Variants in METTL15 observed in about 807,000 individuals in gnomAD.
The protein encoded by METTL15 is methyltransferase 15, mitochondrial 12S rRNA N4-cytidine.
A neutral mutation model predicts 38.3 loss-of-function variants in METTL15; 34 were observed. The observed-to-expected ratio is 0.89, with a 90% CI of 0.68 to 1.18. The LOEUF (loss-of-function observed/expected upper bound fraction) is 1.18. Ranked by LOEUF, METTL15 falls within the 50% of genes most tolerant of loss-of-function variation. The pLI is 0.00. For synonymous variants in METTL15, 162 were observed against 170.9 expected (o/e 0.95, Z 0.41); for missense variants, 438 against 498.4 (o/e 0.88, Z 1.15).
Position 28,332,833 on chromosome 11 carries a change from T to C in METTL15, c.*1992T>C, listed in dbSNP as rs1307238480. ...CATGCGTGGTGCTTGTAATGTCAGCTACCCAGGAGTCTGAGGCACAAGAAT... is the reference window on the plus strand; with the variant it reads ...CATGCGTGGTGCTTGTAATGTCAGCCACCCAGGAGTCTGAGGCACAAGAAT... On this transcript the variant is annotated 3_prime_UTR_variant, in exon 7 of 7. Transcript: ENST00000407364. 1 of 151,206 alleles carries C rather than the reference T, an allele frequency of 6.6e-6. No individual in the cohort carries two copies. Among genetic ancestry groups the C allele is most frequent in the Non-Finnish European group, 1.5e-5 (1 of 68,038 alleles). The allele number at this position is 151,206 out of a possible 1,614,324, so 9.4% of individuals were successfully genotyped here.
At chr11:28,275,980 A>G (rs1387800576) in intron 4 of METTL15, among the ~76,000 whole-genome samples, 2 of 152,124 alleles carry the variant, frequency 1.3e-5, no homozygotes, top group Non-Finnish European at 2.9e-5. Context: ...ACACACCTAT[A>G]GCTAACATCA....
At chr11:28,143,561 C>T (rs1038463839) in intron 3 of METTL15, among the ~76,000 whole-genome samples, 6 of 152,074 alleles carry the variant, frequency 3.9e-5, no homozygotes, top group Non-Finnish European at 5.9e-5. Context: ...GTACTATTTA[C>T]GTTGATGTAA....
chr11:28,355,285 A>G (rs2133364259), intron 4 of METTL15, among the ~76,000 whole-genome samples: 1 of 152,356 alleles, frequency 6.6e-6, no homozygotes, highest in African/African-American at 2.4e-5. Flanking sequence ...AAAAATTAAT[A>G]CATTTCAATA....
At chr11:28,488,446 T>G (rs1348681183) in intron 6 of METTL15, among the ~76,000 whole-genome samples, 1 of 152,180 alleles carries the variant, frequency 6.6e-6, no homozygotes, top group Non-Finnish European at 1.5e-5. Flanking sequence ...TTCCACTTTC[T>G]CATCTGGAAT....
intron 5 of METTL15, among the ~76,000 whole-genome samples, chr11:28,371,961 C>A (rs779768813): frequency 4.0e-5 from 6 of 151,866 alleles, no homozygotes; most frequent in Non-Finnish European, 7.4e-5. Context: ...TCCTCTTTTT[C>A]TATTTGGATG....
At chr11:28,127,040 A>T (rs182187226) in intron 3 of METTL15, among the ~76,000 whole-genome samples, 53 of 152,242 alleles carry the variant, frequency 3.5e-4, no homozygotes, top group Middle Eastern at 6.8e-3. Context: ...AGAATGAAAG[A>T]TTGTAAGCAA....
intron 3 of METTL15, among the ~76,000 whole-genome samples, chr11:28,191,207 A>T (rs116640309): frequency 0.013 from 1,973 of 151,546 alleles, 44 homozygotes; most frequent in African/African-American, 0.045. Flanking sequence ...TTTAAAACCA[A>T]ATATTAACTA....
intron 4 of METTL15, among the ~76,000 whole-genome samples, chr11:28,238,500 GC>G (rs1280757298): frequency 3.3e-5 from 5 of 152,154 alleles, no homozygotes. Context: ...TTTTCCAGGT[GC>G]CATCTGTCAC....
chr11:28,272,703 A>T (rs1037727813), intron 4 of METTL15, among the ~76,000 whole-genome samples: 3 of 152,212 alleles, frequency 2.0e-5, no homozygotes, highest in African/African-American at 7.2e-5. Flanking sequence ...TGTATCCCAG[A>T]ACTTAAAGTT....
chr11:28,255,709 T>C (rs1025594944), intron 4 of METTL15, among the ~76,000 whole-genome samples: 1 of 152,236 alleles, frequency 6.6e-6, no homozygotes, highest in Non-Finnish European at 1.5e-5. Context: ...AATCATCATA[T>C]GGCTTTTCTT....
At chr11:28,238,925 G>T (rs931700750) in intron 4 of METTL15, among the ~76,000 whole-genome samples, 4 of 152,126 alleles carry the variant, frequency 2.6e-5, no homozygotes, top group African/African-American at 4.8e-5. Context: ...TGTCATAGTT[G>T]ACTATTTCCT....
At chr11:28,267,804 T>C (rs1285040707) in intron 4 of METTL15, among the ~76,000 whole-genome samples, 1 of 152,238 alleles carries the variant, frequency 6.6e-6, no homozygotes, top group Non-Finnish European at 1.5e-5. Flanking sequence ...TTGCCTTCCT[T>C]ATACAAAGTA....
intron 3 of METTL15, among the ~76,000 whole-genome samples, chr11:28,129,831 T>C (rs534384226): frequency 6.6e-6 from 1 of 152,282 alleles, no homozygotes; most frequent in East Asian, 1.9e-4. Flanking sequence ...GCTAAAATAG[T>C]GAGTGAATAA....
intron 5 of METTL15, among the ~76,000 whole-genome samples, chr11:28,377,184 T>G (rs1470279760): frequency 6.7e-6 from 1 of 148,372 alleles, no homozygotes; most frequent in Non-Finnish European, 1.5e-5. Context: ...TTCTCTGTAT[T>G]TCCTGAATCT....
chr11:28,438,227 A>C (rs1282599124), intron 6 of METTL15, among the ~76,000 whole-genome samples: 1 of 152,228 alleles, frequency 6.6e-6, no homozygotes, highest in Non-Finnish European at 1.5e-5. Context: ...TTTCCCAGGC[A>C]GTGAGAAAGA....
chr11:28,109,495 T>G (rs1851625432), intron 1 of METTL15, among the ~76,000 whole-genome samples: 1 of 152,244 alleles, frequency 6.6e-6, no homozygotes, highest in African/African-American at 2.4e-5. Context: ...TTCATTTTTC[T>G]GAGAGAAAAC....
At chr11:28,140,387 G>T (rs535276521) in intron 3 of METTL15, among the ~76,000 whole-genome samples, 47 of 152,064 alleles carry the variant, frequency 3.1e-4, no homozygotes, top group Non-Finnish European at 5.1e-4. Flanking sequence ...GGTTTTTGGG[G>T]GTACTCTCCA....
At chr11:28,359,641 T>C (rs1284944497) in intron 4 of METTL15, among the ~76,000 whole-genome samples, 1 of 152,194 alleles carries the variant, frequency 6.6e-6, no homozygotes, top group Non-Finnish European at 1.5e-5. Flanking sequence ...TGGTATCTTA[T>C]GGCGGTTTAT....
intron 5 of METTL15, among the ~76,000 whole-genome samples, chr11:28,405,740 A>G (rs1590363425): frequency 6.6e-6 from 1 of 152,208 alleles, no homozygotes. Context: ...CATGCTATGT[A>G]GAACTCTGCT....
Sources: allele counts gnomAD v4.1 joint callset (sites outside exome capture counted in the v4.1 genomes callset), GRCh38; gene constraint gnomAD v4.1.1; transcripts MANE v1.5; gene names NCBI Gene and HGNC (gene_info 2026-07-23, HGNC 2026-07-21).